SHROOM4: variants seen among roughly 807,000 people sequenced by gnomAD.
SHROOM4 encodes the protein shroom family member 4, also known as protein Shroom4.
A neutral mutation model predicts 80.3 loss-of-function variants in SHROOM4; 17 were observed. That is an observed-to-expected ratio of 0.21 (90% CI 0.14 to 0.32). The LOEUF is 0.32. SHROOM4 is among the 10% of genes least tolerant of loss of function. The probability of loss-of-function intolerance (pLI) is 1.00; values close to 1 mark genes in which losing one functional copy is unlikely to be tolerated. For missense variants in SHROOM4, 993 were observed against 1,140.3 expected (o/e 0.87, Z 1.86); for synonymous variants, 400 against 437.5 (o/e 0.91, Z 1.07).
intron 1 of SHROOM4, among the ~76,000 whole-genome samples, chrX:50,766,727 T>C (rs1471859940): frequency 9.0e-6 from 1 of 111,667 alleles, no homozygotes; most frequent in African/African-American, 3.2e-5. Context: ...TTTGAATATA[T>C]AAATGTAAAA....
intron 7 of SHROOM4, among the ~76,000 whole-genome samples, 195 bp downstream of exon 7, chrX:50,602,438 G>A (rs1929471333): frequency 9.0e-6 from 1 of 111,171 alleles, no homozygotes; most frequent in Admixed American, 9.6e-5. Context: ...TGATGATTAT[G>A]ATTGTTATTA....
chrX:50,811,848 C>A (rs1330426337), intron 1 of SHROOM4, among the ~76,000 whole-genome samples: 2 of 110,935 alleles, frequency 1.8e-5, no homozygotes, highest in Non-Finnish European at 3.8e-5. Context: ...TAGGGGTCAA[C>A]TGTACATTCA....
Position 50,684,454 on chromosome X carries a change from A to C in SHROOM4, c.269+11332T>G, listed in dbSNP as rs151303911. 5.1e-3 allele frequency among the ~76,000 whole-genome samples: 576 copies of C among 111,974 alleles called. 6 individuals carry two copies. Among genetic ancestry groups the C allele is most frequent in the African/African-American group, 0.018 (559 of 30,837 alleles). ...GACTTCCAGTATCCTGAACTATGTAATCTCTGCTATTTTAAGGTACCCAGT... is the reference window on the plus strand; with the variant it reads ...GACTTCCAGTATCCTGAACTATGTACTCTCTGCTATTTTAAGGTACCCAGT... On this transcript the variant is annotated intron_variant, in intron 2 of 8. Transcript: ENST00000376020.
intron 1 of SHROOM4, among the ~76,000 whole-genome samples, chrX:50,788,600 TC>T (rs1935794920): frequency 1.1e-5 from 1 of 95,230 alleles, no homozygotes; most frequent in Admixed American, 1.1e-4. Flanking sequence ...AAAGCGAGAC[TC>T]CGTCTCAAAA....
rs1410726988 is a variant in SHROOM4 at position 50,589,710 on chromosome X, G to A, written c.*6985C>T. ...ACATTTGGGTCATTTCCACTTTTTG[G>A]CTATTATGAGTAATGCCACTTTAAA... On this transcript the variant is annotated 3_prime_UTR_variant, in exon 9 of 9. Coordinates refer to ENST00000376020, the MANE Select transcript of SHROOM4 (RefSeq NM_020717.5). Among the ~76,000 whole-genome samples the A allele has an allele frequency of 9.0e-6, 1 of 111,685 alleles. No individual in the cohort carries two copies. Among genetic ancestry groups the A allele is most frequent in the Non-Finnish European group, 1.9e-5 (1 of 53,128 alleles).
At chrX:50,696,030 G>A in intron 1 of SHROOM4, 93 bp from the exon 2 acceptor site, 1 of 1,029,810 alleles carries the variant, frequency 9.7e-7, no homozygotes. Flanking sequence ...GCCACAAGTA[G>A]TACTGGGGAA....
chrX:50,693,010 G>C (rs1169615524), intron 2 of SHROOM4, among the ~76,000 whole-genome samples: 1 of 111,633 alleles, frequency 9.0e-6, no homozygotes, highest in Admixed American at 9.5e-5. Flanking sequence ...GGCATGTTGT[G>C]TTTGCAATAT....
At chrX:50,610,352 T>TCTCTCTCTCA (rs782591424) in intron 5 of SHROOM4, among the ~76,000 whole-genome samples, 15 of 91,711 alleles carry the variant, frequency 1.6e-4, no homozygotes, top group African/African-American at 6.9e-4. Flanking sequence ...TCTCTCTCTC[T>TCTCTCTCTCA]CACACACACA....
intron 2 of SHROOM4, among the ~76,000 whole-genome samples, chrX:50,686,881 A>T (rs1201488893): frequency 8.9e-6 from 1 of 111,846 alleles, no homozygotes; most frequent in African/African-American, 3.3e-5. Flanking sequence ...TGGAAGTAGC[A>T]TTTAATAAAT....
intron 1 of SHROOM4, among the ~76,000 whole-genome samples, chrX:50,748,267 T>C (rs782665478): frequency 9.0e-6 from 1 of 111,527 alleles, no homozygotes; most frequent in East Asian, 2.8e-4. Context: ...TGGGGAACAG[T>C]TGAGAGACTT....
At chrX:50,598,000 G>A (rs959452392) in intron 8 of SHROOM4, among the ~76,000 whole-genome samples, 3 of 110,760 alleles carry the variant, frequency 2.7e-5, no homozygotes, top group Non-Finnish European at 5.7e-5. Flanking sequence ...CACCCTGCCA[G>A]ACTAATTTTT....
intron 3 of SHROOM4, 33 bp from the exon 4 acceptor site, chrX:50,635,701 G>C: frequency 1.7e-6 from 2 of 1,176,832 alleles, no homozygotes; most frequent in South Asian, 3.6e-5. Flanking sequence ...GTTAGTTAGC[G>C]AAGTCATGGC....
intron 2 of SHROOM4, among the ~76,000 whole-genome samples, chrX:50,693,520 C>T (rs1424132017): frequency 9.6e-6 from 1 of 104,653 alleles, no homozygotes; most frequent in Non-Finnish European, 2.0e-5. Context: ...TAGCCGAGAT[C>T]ATGCCACTGC....
At chrX:50,654,521 C>A (rs1371457714) in intron 2 of SHROOM4, among the ~76,000 whole-genome samples, 1 of 110,879 alleles carries the variant, frequency 9.0e-6, no homozygotes, top group Non-Finnish European at 1.9e-5. Context: ...ATATCCATAA[C>A]CTCAAATACT....
chrX:50,668,349 G>A (rs782431843), intron 2 of SHROOM4, among the ~76,000 whole-genome samples: 1 of 111,046 alleles, frequency 9.0e-6, no homozygotes, highest in East Asian at 2.9e-4. Flanking sequence ...TCCCAGCAAG[G>A]GAGATATCAG....
intron 1 of SHROOM4, among the ~76,000 whole-genome samples, chrX:50,739,204 G>T (rs1345061269): frequency 9.1e-6 from 1 of 110,382 alleles, no homozygotes; most frequent in Non-Finnish European, 1.9e-5. Flanking sequence ...AGACTTACAT[G>T]TTAGACCTAA....
intron 2 of SHROOM4, among the ~76,000 whole-genome samples, chrX:50,693,086 A>G (rs1339632699): frequency 1.8e-5 from 2 of 111,376 alleles, no homozygotes; most frequent in African/African-American, 3.3e-5. Context: ...CATAGGAGAT[A>G]TAGAAAATAA....
chrX:50,787,064 TAA>T (rs1935754944), intron 1 of SHROOM4, among the ~76,000 whole-genome samples: 1 of 108,987 alleles, frequency 9.2e-6, no homozygotes, highest in Admixed American at 9.8e-5. Flanking sequence ...AGAAAAAATT[TAA>T]AAAGTTAGCC....
chrX:50,659,206 T>C (rs1932414456), intron 2 of SHROOM4, among the ~76,000 whole-genome samples: 1 of 111,587 alleles, frequency 9.0e-6, no homozygotes, highest in Non-Finnish European at 1.9e-5. Context: ...GGCCAGAACA[T>C]GGAGAATAGT....
Sources: allele counts gnomAD v4.1 joint callset (sites outside exome capture counted in the v4.1 genomes callset), GRCh38; gene constraint gnomAD v4.1.1; transcripts MANE v1.5; gene names NCBI Gene and HGNC (gene_info 2026-07-23, HGNC 2026-07-21).